MTUS2: variants seen among roughly 807,000 people sequenced by gnomAD.
MTUS2 encodes the protein microtubule-associated tumor suppressor candidate 2.
MTUS2 carries 40 observed loss-of-function variants against 114.1 expected under a neutral mutation model. The ratio of observed to expected loss-of-function variants is 0.35; its 90% CI spans 0.27 to 0.46. The LOEUF is 0.46. Ranked by LOEUF, MTUS2 falls within the 20% of genes least tolerant of loss-of-function variation. MTUS2 has a pLI of 1.00. For missense variants in MTUS2, 1,679 were observed against 1,705.4 expected, an observed-to-expected ratio of 0.98 and a Z score of 0.27; for synonymous variants, 688 against 672.0, an observed-to-expected ratio of 1.02 and a Z score of -0.37.
At chr13:28,905,173 C>G (rs9508186) in intron 2 of MTUS2, among the ~76,000 whole-genome samples, 102,553 of 151,032 alleles carry the variant, frequency 0.68, 37,929 homozygotes, top group Non-Finnish European at 0.82. Context: ...ATGGGGTTTT[C>G]TAGATATACA....
At chr13:29,195,435 G>T (rs569588413) in intron 5 of MTUS2, among the ~76,000 whole-genome samples, 5 of 147,354 alleles carry the variant, frequency 3.4e-5, no homozygotes, top group Non-Finnish European at 7.4e-5. Flanking sequence ...AGCTATTTTC[G>T]TAGTTATGTG....
chr13:29,027,544 T>G (rs527826376), intron 3 of MTUS2, among the ~76,000 whole-genome samples: 1 of 151,992 alleles, frequency 6.6e-6, no homozygotes, highest in Admixed American at 6.6e-5. Flanking sequence ...TTTGTTTATG[T>G]TTTTTTTGGC....
intron 2 of MTUS2, among the ~76,000 whole-genome samples, chr13:28,878,261 GTA>G (rs768442686): frequency 4.6e-5 from 7 of 150,694 alleles, no homozygotes; most frequent in Non-Finnish European, 8.8e-5. Context: ...GTGTGTGTGT[GTA>G]TATGTGTATA....
chr13:29,165,100 C>G (rs569119177), intron 5 of MTUS2, among the ~76,000 whole-genome samples: 5 of 152,336 alleles, frequency 3.3e-5, no homozygotes, highest in African/African-American at 1.2e-4. Context: ...GGCTCTTCCT[C>G]CTCCCTGCTC....
intron 6 of MTUS2, among the ~76,000 whole-genome samples, chr13:29,293,184 C>G (rs548406781): frequency 2.6e-5 from 4 of 152,162 alleles, no homozygotes; most frequent in African/African-American, 9.6e-5. Context: ...AGATGATAAA[C>G]TGATAGAAAA....
At chr13:29,088,020 C>T (rs901599222) in intron 4 of MTUS2, among the ~76,000 whole-genome samples, 2 of 149,096 alleles carry the variant, frequency 1.3e-5, no homozygotes, top group South Asian at 2.1e-4. Context: ...GATCATGCCA[C>T]TGCACTCCAG....
intron 7 of MTUS2, among the ~76,000 whole-genome samples, chr13:29,333,408 G>A (rs1329791515): frequency 6.6e-6 from 1 of 151,906 alleles, no homozygotes; most frequent in Admixed American, 6.6e-5. Context: ...TGTTGGTCAG[G>A]CTGGTCTCTA....
intron 7 of MTUS2, among the ~76,000 whole-genome samples, chr13:29,333,865 G>A (rs114373763): frequency 8.4e-4 from 128 of 152,260 alleles, no homozygotes; most frequent in African/African-American, 2.8e-3. Flanking sequence ...ATGAAGCTGA[G>A]TGCTCCTGTA....
intron 8 of MTUS2, among the ~76,000 whole-genome samples, chr13:29,429,822 A>G (rs984854163): frequency 6.6e-6 from 1 of 152,184 alleles, no homozygotes; most frequent in Non-Finnish European, 1.5e-5. Flanking sequence ...GAAGGAAAAT[A>G]TATGGCTTAA....
intron 5 of MTUS2, among the ~76,000 whole-genome samples, chr13:29,194,411 A>T (rs1355254608): frequency 2.7e-5 from 4 of 150,718 alleles, no homozygotes; most frequent in African/African-American, 9.7e-5. Flanking sequence ...AAAAACAAAC[A>T]ACCCCATCAA....
intron 2 of MTUS2, among the ~76,000 whole-genome samples, chr13:28,970,264 T>A (rs1403377225): frequency 6.6e-6 from 1 of 152,258 alleles, no homozygotes; most frequent in Non-Finnish European, 1.5e-5. Context: ...TCTAGATCTT[T>A]ATATGTACAA....
At chr13:29,388,111 G>A (rs375913804) in intron 8 of MTUS2, among the ~76,000 whole-genome samples, 28 of 152,216 alleles carry the variant, frequency 1.8e-4, no homozygotes, top group African/African-American at 6.7e-4. Context: ...CCCAACTCCA[G>A]TCTCCATGGA....
chr13:29,359,208 T>C, intron 7 of MTUS2, 54 bp from the exon 8 acceptor site: 2 of 1,498,428 alleles, frequency 1.3e-6, no homozygotes. Flanking sequence ...CGTTGTCACA[T>C]GTGTACTGAG....
chr13:29,022,489 C>T (rs1459845633), intron 2 of MTUS2, among the ~76,000 whole-genome samples: 1 of 152,170 alleles, frequency 6.6e-6, no homozygotes, highest in Non-Finnish European at 1.5e-5. Flanking sequence ...TGTGTCCAGC[C>T]CTCATATTCT....
At chr13:29,307,542 T>C (rs1276150752) in intron 6 of MTUS2, 10 of 1,251,380 alleles carry the variant, frequency 8.0e-6, no homozygotes, top group Non-Finnish European at 1.2e-5. Flanking sequence ...CTGCCAAATA[T>C]GATGACATCA....
chr13:29,245,535 C>T (rs1257087729), intron 5 of MTUS2, among the ~76,000 whole-genome samples: 1 of 152,142 alleles, frequency 6.6e-6, no homozygotes, highest in East Asian at 1.9e-4. Context: ...AAGTCTCCTT[C>T]CATCCTTATA....
At chr13:29,207,176 T>C (rs1394178156) in intron 5 of MTUS2, among the ~76,000 whole-genome samples, 2 of 152,112 alleles carry the variant, frequency 1.3e-5, no homozygotes, top group East Asian at 3.8e-4. Context: ...TTTGTTTCTT[T>C]GTTTTGCAGC....
At chr13:28,859,783 T>C (rs139254038) in intron 2 of MTUS2, among the ~76,000 whole-genome samples, 1 of 152,268 alleles carries the variant, frequency 6.6e-6, no homozygotes, top group African/African-American at 2.4e-5. Context: ...GAGATTTGTA[T>C]GTTGTTCAGG....
intron 7 of MTUS2, among the ~76,000 whole-genome samples, chr13:29,332,545 A>G (rs543026803): frequency 1.3e-3 from 187 of 146,824 alleles, no homozygotes; most frequent in Admixed American, 1.9e-3. Context: ...GGTTTTTCGT[A>G]TCTCTGTCTC....
Sources: gnomAD v4.1 joint callset for allele counts (sites outside exome capture counted in the v4.1 genomes callset) on GRCh38, gnomAD v4.1.1 for gene constraint, MANE v1.5 for transcripts, NCBI Gene and HGNC (gene_info 2026-07-23, HGNC 2026-07-21) for gene names.